SHISA9: variants seen among roughly 807,000 people sequenced by gnomAD.
SHISA9 encodes the protein shisa family member 9.
Under a neutral mutation model 38.0 loss-of-function variants are expected in SHISA9, and 13 were observed. That is an observed-to-expected ratio of 0.34 (90% confidence interval 0.22 to 0.54). SHISA9 has a LOEUF of 0.54. Ranked by LOEUF, SHISA9 falls within the 20% of genes least tolerant of loss-of-function variation. The pLI is 0.91. For synonymous variants in SHISA9, 275 were observed against 242.0 expected, an observed-to-expected ratio of 1.14 and a Z score of -1.27; for missense variants, 538 against 575.8, an observed-to-expected ratio of 0.93 and a Z score of 0.67.
chr16:13,114,994 CATCT>C (rs911641861), intron 2 of SHISA9, among the ~76,000 whole-genome samples: 60 of 124,152 alleles, frequency 4.8e-4, no homozygotes, highest in African/African-American at 2.2e-3. Flanking sequence ...ATCTATCGAT[CATCT>C]ATCTATCATG....
intron 2 of SHISA9, among the ~76,000 whole-genome samples, chr16:13,027,079 C>T (rs2072931698): frequency 6.6e-6 from 1 of 152,126 alleles, no homozygotes; most frequent in Non-Finnish European, 1.5e-5. Context: ...GGGGTATAGC[C>T]CATTTACTGA....
At chr16:13,284,008 A>C in the SHISA9 span, among the ~76,000 whole-genome samples, 1 of 152,090 alleles carries the variant, frequency 6.6e-6, no homozygotes, top group Non-Finnish European at 1.5e-5. Flanking sequence ...TTTTAGGGCA[A>C]CCTCTCTGCA....
chr16:13,310,568 G>C, the SHISA9 span, among the ~76,000 whole-genome samples: 1 of 151,936 alleles, frequency 6.6e-6, no homozygotes, highest in Non-Finnish European at 1.5e-5. Flanking sequence ...CCATCATGTT[G>C]AATCATGTGT....
At chr16:13,301,276 G>T in the SHISA9 span, among the ~76,000 whole-genome samples, 58 of 152,204 alleles carry the variant, frequency 3.8e-4, 1 homozygote, top group Non-Finnish European at 7.8e-4. Context: ...ATCCTATGGT[G>T]ATGGTTTGCA....
chr16:13,253,768 C>G, the SHISA9 span, among the ~76,000 whole-genome samples: 1 of 152,100 alleles, frequency 6.6e-6, no homozygotes, highest in Non-Finnish European at 1.5e-5. Flanking sequence ...AGAAATATAT[C>G]CACTTGGGCA....
intron 2 of SHISA9, chr16:13,197,558 C>A (rs2050959023): frequency 6.6e-6 from 1 of 151,664 alleles, no homozygotes; most frequent in Non-Finnish European, 1.5e-5. Flanking sequence ...TGTATCTTAA[C>A]CTTCTTTGAA....
At chr16:13,131,095 A>G in intron 2 of SHISA9, among the ~76,000 whole-genome samples, 1 of 95,090 alleles carries the variant, frequency 1.1e-5, no homozygotes. Flanking sequence ...CATTTGACCC[A>G]GCAATCCCAT....
the SHISA9 span, among the ~76,000 whole-genome samples, chr16:13,393,240 T>C: frequency 1.3e-5 from 2 of 152,246 alleles, no homozygotes; most frequent in African/African-American, 4.8e-5. Context: ...GTGTGTGACC[T>C]GTGCAGTCAC....
At chr16:13,393,532 A>G in the SHISA9 span, among the ~76,000 whole-genome samples, 318 of 152,208 alleles carry the variant, frequency 2.1e-3, no homozygotes, top group Non-Finnish European at 3.6e-3. Context: ...ATTTGTAGGG[A>G]TTTGGGGCAG....
intron 2 of SHISA9, among the ~76,000 whole-genome samples, chr16:12,971,361 T>C (rs917561579): frequency 2.2e-4 from 33 of 151,640 alleles, no homozygotes; most frequent in African/African-American, 7.5e-4. Flanking sequence ...GGGAAGGAGG[T>C]TATGGGGGAG....
the SHISA9 span, among the ~76,000 whole-genome samples, chr16:13,452,627 C>G: frequency 6.6e-6 from 1 of 152,136 alleles, no homozygotes; most frequent in African/African-American, 2.4e-5. Context: ...GGTTATCTTT[C>G]CAAAGAAAAG....
chr16:13,188,916 C>T (rs1442190501), intron 2 of SHISA9, among the ~76,000 whole-genome samples: 1 of 152,016 alleles, frequency 6.6e-6, no homozygotes. Context: ...TAGGATGAGT[C>T]CCTAATCCAA....
At chr16:13,442,458 C>A in the SHISA9 span, among the ~76,000 whole-genome samples, 1 of 152,112 alleles carries the variant, frequency 6.6e-6, no homozygotes, top group Non-Finnish European at 1.5e-5. Context: ...CAGGTATGCA[C>A]CACCACACTT....
chr16:13,078,768 T>C (rs987392495), intron 2 of SHISA9, among the ~76,000 whole-genome samples: 10 of 152,182 alleles, frequency 6.6e-5, no homozygotes, highest in Non-Finnish European at 1.5e-4. Flanking sequence ...CTGATACACA[T>C]TTACTGTGTG....
intron 3 of SHISA9, among the ~76,000 whole-genome samples, chr16:13,207,281 A>G (rs1032365727): frequency 1.3e-5 from 2 of 152,174 alleles, no homozygotes; most frequent in Admixed American, 6.5e-5. Context: ...GGGATATTCT[A>G]ACAGAAATTC....
the SHISA9 span, among the ~76,000 whole-genome samples, chr16:13,397,808 C>T: frequency 6.6e-6 from 1 of 152,182 alleles, no homozygotes; most frequent in African/African-American, 2.4e-5. Flanking sequence ...TGCTTTATCA[C>T]AAAGACAGAG....
chr16:13,182,716 G>T (rs1293569960), intron 2 of SHISA9, among the ~76,000 whole-genome samples: 1 of 152,188 alleles, frequency 6.6e-6, no homozygotes. Context: ...CCACCACTAG[G>T]TGGAAAAAAC....
At chr16:13,291,226 A>G in the SHISA9 span, among the ~76,000 whole-genome samples, 2 of 152,182 alleles carry the variant, frequency 1.3e-5, no homozygotes, top group African/African-American at 4.8e-5. Context: ...TTTGAAATTT[A>G]GACTCCAAAA....
chr16:12,970,488 TA>T, intron 2 of SHISA9, among the ~76,000 whole-genome samples: 1 of 28,294 alleles, frequency 3.5e-5, no homozygotes, highest in Non-Finnish European at 6.9e-5. Context: ...TATATATATA[TA>T]TATATATATT....
Sources: allele counts gnomAD v4.1 joint callset (sites outside exome capture counted in the v4.1 genomes callset), GRCh38; gene constraint gnomAD v4.1.1; transcripts MANE v1.5; gene names NCBI Gene and HGNC (gene_info 2026-07-23, HGNC 2026-07-21).